The following MGAM variants were observed in gnomAD, a reference collection of about 807,000 sequenced individuals.
The protein encoded by MGAM is alpha-1,4-glucosidase.
A neutral mutation model predicts 358.8 loss-of-function variants in MGAM; 253 were observed. The ratio of observed to expected loss-of-function variants is 0.71; its 90% CI spans 0.64 to 0.78. MGAM has a LOEUF of 0.78. MGAM is among the 30% of genes least tolerant of loss of function. The pLI, the probability that MGAM is intolerant of heterozygous loss-of-function variation, is 0.00. For missense variants in MGAM, 3,080 were observed against 3,432.6 expected, an observed-to-expected ratio of 0.90 and a Z score of 2.57; for synonymous variants, 1,105 against 1,227.1, an observed-to-expected ratio of 0.90 and a Z score of 2.08.
rs1386283834 is a variant in MGAM at position 142,056,027 on chromosome 7, C to A, written c.3511C>A (p.Pro1171Thr). The A allele has an allele frequency of 5.0e-6, 8 of 1,611,770 alleles. No individual in the cohort carries two copies. The highest frequency in any genetic ancestry group is 1.3e-5 in the African/African-American group (1 of 74,898). Residue 1171 changes from proline to threonine, a missense_variant, in exon 29 of 71, where the codon CCC becomes ACC. This residue lies in a region of MGAM where 1,816 missense variants were observed against 1,840.5 expected (regional missense o/e 0.99). Coordinates refer to ENST00000475668, the MANE Select transcript of MGAM (RefSeq NM_001365693.1). ...CAAGAAGAATTCCTATGGTGTCCAC[C>A]CCTACTACATGGGGCTGGAGGAGGA... is the stretch of plus-strand genomic sequence containing the variant. The part of the protein sequence containing the change: ...GYKKNSYGVH[P>T]YYMGLEEDGS...
intron 21 of MGAM, among the ~76,000 whole-genome samples, chr7:142,046,148 A>T (rs973042715): frequency 4.7e-4 from 68 of 144,582 alleles, no homozygotes; most frequent in African/African-American, 1.5e-3. Context: ...TATTATATAT[A>T]TATTTATATT....
chr7:142,021,227 A>T, intron 5 of MGAM, 144 bp downstream of exon 5: 1 of 622,102 alleles, frequency 1.6e-6, no homozygotes, highest in South Asian at 2.1e-5. Flanking sequence ...TGTATGTTAA[A>T]GACATATACA....
chr7:142,071,064 T>A lies in MGAM; in HGVS notation c.5132T>A (p.Val1711Asp), dbSNP rs1813306265. 1 of 1,556,500 alleles carries A rather than the reference T, an allele frequency of 6.4e-7. No individual in the cohort carries two copies. Among genetic ancestry groups the A allele is most frequent in the Non-Finnish European group, 8.8e-7 (1 of 1,132,676 alleles). The change falls in exon 44 of 71, where the codon GTC becomes GAC. Residue 1711 changes from valine (V) to aspartate (D), a missense_variant. This residue lies in a region of MGAM where 932 missense variants were observed against 1,198.2 expected (regional missense o/e 0.78). Coordinates refer to ENST00000475668, the MANE Select transcript of MGAM (RefSeq NM_001365693.1). The part of the protein sequence containing the change: ...PAPLDHINLH[V>D]RGGYILPWQE... Reference sequence around the variant, plus strand: ...CCTCTTGACCACATTAATCTTCATGTCCGTGGGGGCTACATCCTGCCCTGG... The same window carrying A: ...CCTCTTGACCACATTAATCTTCATGACCGTGGGGGCTACATCCTGCCCTGG...
upstream of MGAM, among the ~76,000 whole-genome samples, chr7:141,992,893 G>A (rs782792000): frequency 6.6e-6 from 1 of 152,154 alleles, no homozygotes; most frequent in Non-Finnish European, 1.5e-5. Flanking sequence ...CAAGGTCTTG[G>A]CACTCGGCCA....
rs1250034568 is a variant in MGAM at position 142,043,978 on chromosome 7, T to C, written c.2498+3132T>C. 4.8e-4 allele frequency among the ~76,000 whole-genome samples: 60 copies of C among 124,080 alleles called. 1 individual carries two copies. The highest frequency in any genetic ancestry group is 2.1e-3 in the African/African-American group (58 of 28,074). The allele number at this position is 124,080 out of a possible 152,430, so 81.4% of individuals were successfully genotyped here. ...ATACATTATATACACATACGACGTA[T>C]AATATATACATTATATACACATACG... On this transcript the variant is annotated intron_variant, in intron 21 of 70. Coordinates refer to ENST00000475668, the MANE Select transcript of MGAM (RefSeq NM_001365693.1).
chr7:142,106,009 C>G lies in MGAM; in HGVS notation c.*118C>G. 1.2e-6 allele frequency: 1 copy of G among 814,824 alleles called. No individual in the cohort carries two copies. Among genetic ancestry groups the G allele is most frequent in the Non-Finnish European group, 2.0e-6 (1 of 502,670 alleles). 50.5% of individuals were successfully genotyped at this position (814,824 alleles called of 1,614,324 possible). On this transcript the variant is annotated 3_prime_UTR_variant, in exon 71 of 71. Coordinates refer to ENST00000475668, the MANE Select transcript of MGAM (RefSeq NM_001365693.1). The stretch of plus-strand genomic sequence containing the variant: ...CATACCCACTATTGGTGAAATATTT[C>G]TGTTAATTTTGTTATATGTTTTTTG...
rs770357204 is a variant in MGAM at position 142,103,389 on chromosome 7, G to A, written c.8134G>A (p.Val2712Met). 6.2e-7 allele frequency: 1 copy of A among 1,612,722 alleles called. No individual in the cohort carries two copies. The highest frequency in any genetic ancestry group is 2.2e-5 in the East Asian group (1 of 44,840). ...CCCCGTTACCAGTGTCAGCATCTCT[G>A]TGAGTGGCATGGTCATAACACCCTC... ...SVPVTSVSISVSGMVITPSFN... is the reference protein window; with the variant it reads ...SVPVTSVSISMSGMVITPSFN... Residue 2712 changes from valine (V) to methionine (M), a missense_variant, in exon 70 of 71, where the codon GTG (valine) becomes ATG (methionine). Around this residue, in one of 5 missense-constraint regions of MGAM, gnomAD observed 194 missense variants for 172.8 expected, o/e 1.12. Coordinates refer to ENST00000475668, the MANE Select transcript of MGAM (RefSeq NM_001365693.1).
chr7:142,063,669 A>T, intron 36 of MGAM, 83 bp downstream of exon 36: 1 of 1,457,488 alleles, frequency 6.9e-7, no homozygotes, highest in Non-Finnish European at 9.4e-7. Flanking sequence ...GGGCAGCCCC[A>T]CAGCTGAGGG....
rs1302619560 is a variant in MGAM at position 142,063,583 on chromosome 7, C to A, written c.4342C>A (p.Pro1448Thr). ...CTCTCTGAACCACCCTCCCTACATGCCACGTAAGAAGCCTTGGCCTCCTTG... is the reference window on the plus strand; with the variant it reads ...CTCTCTGAACCACCCTCCCTACATGACACGTAAGAAGCCTTGGCCTCCTTG... ...DASLNHPPYM[P>T]HLESRDRGLS... Residue 1448 changes from proline to threonine, a missense_variant, in exon 36 of 71, where the codon CCA (proline) becomes ACA (threonine). Physicochemically the swap from Pro to Thr is conservative, Grantham distance 38. Around this residue, in one of 5 missense-constraint regions of MGAM, gnomAD observed 1,816 missense variants for 1,840.5 expected, o/e 0.99. Coordinates refer to ENST00000475668, the MANE Select transcript of MGAM (RefSeq NM_001365693.1). 6.2e-7 allele frequency: 1 copy of A among 1,613,000 alleles called. No homozygotes were observed. Among genetic ancestry groups the A allele is most frequent in the Non-Finnish European group, 8.5e-7 (1 of 1,179,482 alleles).
chr7:142,018,939 G>A (rs1336119276), intron 3 of MGAM, among the ~76,000 whole-genome samples: 3 of 146,224 alleles, frequency 2.1e-5, no homozygotes, highest in African/African-American at 7.5e-5. Context: ...ATATTTATGA[G>A]TTTTTTTTTT....
intron 57 of MGAM, among the ~76,000 whole-genome samples, chr7:142,088,721 ATGTC>A (rs1283708069): frequency 0.022 from 2,629 of 118,496 alleles, 208 homozygotes; most frequent in African/African-American, 0.045. Flanking sequence ...CTATTCATTT[ATGTC>A]TGTCTGTCTG....
In MGAM at chr7:142,076,025, A is replaced by G. The variant is rs117550546; in HGVS notation, c.5276-178A>G. 8.1e-3 allele frequency among the ~76,000 whole-genome samples: 1,187 copies of G among 146,502 alleles called. 139 individuals carry two copies. The South Asian group carries it at 0.095, about 12-fold the overall frequency. On this transcript the variant is annotated intron_variant, in intron 45 of 70. Transcript: ENST00000475668. ...CAGCATTACTTGCAACAGCCAAGAT[A>G]TGGAAACATTCTAAGTATACATTGA...
At chr7:142,071,767 T>C (rs76468614) in intron 44 of MGAM, among the ~76,000 whole-genome samples, 2,158 of 146,234 alleles carry the variant, frequency 0.015, 196 homozygotes, top group South Asian at 0.095. Context: ...GATTTCTTTC[T>C]TGTGATTCAA....
chr7:142,066,730 C>T lies in MGAM; in HGVS notation c.4919+9C>T. On this transcript the variant is annotated intron_variant, in intron 41 of 70. Transcript: ENST00000475668. Reference sequence around the variant, plus strand: ...CGGCCTCTGCTCCATGAGTGAGTGTCCAGCAGGGATCCCGATGACTAATGG... The same window carrying T: ...CGGCCTCTGCTCCATGAGTGAGTGTTCAGCAGGGATCCCGATGACTAATGG... 1 of 1,550,766 alleles carries T rather than the reference C, an allele frequency of 6.4e-7. No individual in the cohort carries two copies. The highest frequency in any genetic ancestry group is 8.9e-7 in the Non-Finnish European group (1 of 1,129,908).
At position 142,089,016 on chromosome 7, in the gene MGAM, C is replaced by CTATT. The variant is rs1231076489; in HGVS notation, c.6810+2302_6810+2303insTTAT. On this transcript the variant is annotated intron_variant, in intron 57 of 70. Transcript: ENST00000475668. Reference sequence around the variant, plus strand: ...TGTATGTATCTATCTATCTATCTATCTATCTATCTATCTATCTATACTGTT... The same window carrying CTATT: ...TGTATGTATCTATCTATCTATCTATCTATTTATCTATCTATCTATCTATACTGTT... Among the ~76,000 whole-genome samples, 14 of 143,356 alleles carry CTATT rather than the reference C, an allele frequency of 9.8e-5. 3 individuals carry two copies. The highest frequency in any genetic ancestry group is 2.2e-4 in the Non-Finnish European group (14 of 63,650). 94.0% of individuals were successfully genotyped at this position (143,356 alleles called of 152,430 possible).
At chr7:142,104,206 GTTT>G (rs1816665288) in intron 70 of MGAM, among the ~76,000 whole-genome samples, 2 of 152,160 alleles carry the variant, frequency 1.3e-5, no homozygotes, top group South Asian at 4.1e-4. Context: ...TAGCCATAAA[GTTT>G]TACCTATATA....
At chr7:142,018,118 C>T (rs1806113748) in intron 3 of MGAM, among the ~76,000 whole-genome samples, 1 of 152,212 alleles carries the variant, frequency 6.6e-6, no homozygotes, top group Admixed American at 6.5e-5. Context: ...CTTCTGTAGT[C>T]AGACATCTGA....
chr7:142,077,406 G>A lies in MGAM; in HGVS notation c.5493+580G>A, dbSNP rs535725007. 7.8e-4 allele frequency among the ~76,000 whole-genome samples: 113 copies of A among 145,568 alleles called. 5 individuals are homozygous for A. The highest frequency in any genetic ancestry group is 1.7e-3 in the African/African-American group (71 of 41,128). ...AGATGGTTTAGATTTAGAGGAGACT[G>A]GGAGAAGGATGATAATCTTTAGAAT... On this transcript the variant is annotated intron_variant, in intron 47 of 70. Coordinates refer to ENST00000475668, the MANE Select transcript of MGAM (RefSeq NM_001365693.1).
At chr7:142,096,529 C>G in intron 65 of MGAM, 114 bp downstream of exon 65, 2 of 1,254,922 alleles carry the variant, frequency 1.6e-6, no homozygotes, top group Non-Finnish European at 2.3e-6. Context: ...TCTTATTCTA[C>G]CTGTGTCTCT....
Sources: allele counts gnomAD v4.1 joint callset (sites outside exome capture counted in the v4.1 genomes callset), GRCh38; gene constraint gnomAD v4.1.1; regional missense constraint gnomAD v4.1.1; transcripts MANE v1.5; gene names NCBI Gene and HGNC (gene_info 2026-07-23, HGNC 2026-07-21).